Variants in PJA2 observed in about 807,000 individuals in gnomAD.
PJA2 encodes praja ring finger ubiquitin ligase 2.
In PJA2, 25 loss-of-function variants were observed where a neutral mutation model predicts 69.3. That is an observed-to-expected ratio of 0.36 (90% CI 0.26 to 0.50). The LOEUF (loss-of-function observed/expected upper bound fraction) is 0.50. PJA2 is among the 20% of genes least tolerant of loss of function. The probability of loss-of-function intolerance (pLI) is 0.96; values close to 1 mark genes in which losing one functional copy is unlikely to be tolerated. For synonymous variants in PJA2, 308 were observed against 277.8 expected, an observed-to-expected ratio of 1.11 and a Z score of -1.08; for missense variants, 809 against 830.2, an observed-to-expected ratio of 0.97 and a Z score of 0.31.
intron 1 of PJA2, among the ~76,000 whole-genome samples, chr5:109,402,756 T>A (rs1747582189): frequency 6.6e-6 from 1 of 152,022 alleles, no homozygotes; most frequent in South Asian, 2.1e-4. Context: ...CATATTCTGG[T>A]CATAAAACAA....
At chr5:109,375,848 C>T (rs939498723) in intron 4 of PJA2, among the ~76,000 whole-genome samples, 1 of 151,976 alleles carries the variant, frequency 6.6e-6, no homozygotes, top group Non-Finnish European at 1.5e-5. Context: ...TTAGCTGGCA[C>T]CATATTAAAA....
At chr5:109,407,971 A>G (rs1053952330) in intron 1 of PJA2, among the ~76,000 whole-genome samples, 1 of 152,196 alleles carries the variant, frequency 6.6e-6, no homozygotes, top group African/African-American at 2.4e-5. Flanking sequence ...AAGGATTTTT[A>G]GTTCAGTCTA....
intron 7 of PJA2, among the ~76,000 whole-genome samples, chr5:109,352,602 G>C (rs1372705189): frequency 1.3e-5 from 2 of 151,944 alleles, no homozygotes; most frequent in Non-Finnish European, 2.9e-5. Flanking sequence ...TCCTAGTATA[G>C]AGTATTTCTG....
In PJA2 at chr5:109,360,858, TG is replaced by T. The variant is rs1210605023; in HGVS notation, c.1652+1981del. 4.6e-5 allele frequency among the ~76,000 whole-genome samples: 7 copies of T among 152,002 alleles called. No individual in the cohort carries two copies. The East Asian group carries it at 1.3e-3, about 29-fold the overall frequency. ...AATTATATTCAGAGGCTGGGCATGGTGGCTCACACCTGTAATCCCAGCACTT... is the reference window on the plus strand; with the variant it reads ...AATTATATTCAGAGGCTGGGCATGGTGCTCACACCTGTAATCCCAGCACTT... On this transcript the variant is annotated intron_variant, in intron 6 of 9. Coordinates refer to ENST00000361189, the MANE Select transcript of PJA2 (RefSeq NM_014819.5).
At position 109,335,056 on chromosome 5, in the gene PJA2, T is replaced by C. The variant is rs1314721807; in HGVS notation, c.*2175A>G. 21 of 152,660 alleles carry C rather than the reference T, an allele frequency of 1.4e-4. No homozygotes were observed. Among genetic ancestry groups the C allele is most frequent in the Non-Finnish European group, 1.5e-5 (1 of 68,030 alleles). 9.5% of individuals were successfully genotyped at this position (152,660 alleles called of 1,614,324 possible). On this transcript the variant is annotated 3_prime_UTR_variant, in exon 10 of 10. Transcript: ENST00000361189. ...ATAAATGCTATTTTATTAATATTCATACTTATTTCTAATTTACCTTCATAT... is the reference window on the plus strand; with the variant it reads ...ATAAATGCTATTTTATTAATATTCACACTTATTTCTAATTTACCTTCATAT...
chr5:109,382,306 C>A (rs1323960306), intron 2 of PJA2, among the ~76,000 whole-genome samples: 1 of 152,110 alleles, frequency 6.6e-6, no homozygotes, highest in Non-Finnish European at 1.5e-5. Context: ...TACTACCCTG[C>A]CTTCAAAACT....
chr5:109,392,081 A>G (rs190142218), intron 1 of PJA2, among the ~76,000 whole-genome samples: 6 of 152,228 alleles, frequency 3.9e-5, no homozygotes, highest in African/African-American at 7.2e-5. Context: ...TTTTTGGGGG[A>G]AAATTGACAA....
chr5:109,344,252 C>T lies in PJA2; in HGVS notation c.1939G>A (p.Ala647Thr). The change falls in exon 9 of 10, where the codon GCA (alanine) becomes ACA (threonine). Residue 647 changes from alanine to threonine, a missense_variant. Physicochemically the swap from Ala to Thr is moderately conservative, Grantham distance 58 (BLOSUM62 0). Coordinates refer to ENST00000361189, the MANE Select transcript of PJA2 (RefSeq NM_014819.5). The stretch of plus-strand genomic sequence containing the variant: ...AAATGGTGACAGGGCAACTCTGTTG[C>T]TATATCATCCTTAATATACTCACTG... The part of the protein sequence containing the change: ...CCSEYIKDDI[A>T]TELPCHHFFH... The T allele has an allele frequency of 6.2e-7, 1 of 1,612,352 alleles. No homozygotes were observed. The highest frequency in any genetic ancestry group is 8.5e-7 in the Non-Finnish European group (1 of 1,179,070).
chr5:109,409,600 C>G (rs1241939599), intron 1 of PJA2, among the ~76,000 whole-genome samples: 1 of 151,866 alleles, frequency 6.6e-6, no homozygotes, highest in Non-Finnish European at 1.5e-5. Flanking sequence ...CGGGCGCGAC[C>G]GTCCCGGATA....
chr5:109,338,339 C>T (rs941124142), intron 9 of PJA2, among the ~76,000 whole-genome samples: 9 of 151,990 alleles, frequency 5.9e-5, no homozygotes, highest in Admixed American at 2.6e-4. Flanking sequence ...TTACGTTTAC[C>T]GTTTAAGAAT....
In PJA2 at chr5:109,380,682, G is replaced by A. The variant is rs577781678; in HGVS notation, c.232+821C>T. ...AAATTAGGCGTGGAGGCGCATGCCT[G>A]TAGTCCCAGCTACTTGGGAGGCTGA... is the stretch of plus-strand genomic sequence containing the variant. On this transcript the variant is annotated intron_variant, in intron 3 of 9. Transcript: ENST00000361189. 2.6e-5 allele frequency among the ~76,000 whole-genome samples: 4 copies of A among 151,708 alleles called. No homozygotes were observed. In the East Asian group the frequency reaches 7.8e-4, roughly 29 times the overall value.
At chr5:109,370,408 A>T (rs976414236) in intron 4 of PJA2, among the ~76,000 whole-genome samples, 1 of 152,226 alleles carries the variant, frequency 6.6e-6, no homozygotes, top group African/African-American at 2.4e-5. Flanking sequence ...GATCAAGATG[A>T]TATTAACAAA....
intron 9 of PJA2, among the ~76,000 whole-genome samples, chr5:109,338,241 G>GT (rs1174997264): frequency 6.6e-6 from 1 of 152,164 alleles, no homozygotes; most frequent in Non-Finnish European, 1.5e-5. Context: ...TCACACTAAG[G>GT]TATTTCCTGA....
chr5:109,379,347 T>C, intron 3 of PJA2, 93 bp from the exon 4 acceptor site: 1 of 874,150 alleles, frequency 1.1e-6, no homozygotes, highest in Non-Finnish European at 1.7e-6. Flanking sequence ...TCATACCAAT[T>C]ATTACTACTT....
chr5:109,384,826 T>C (rs1747122752), intron 1 of PJA2, among the ~76,000 whole-genome samples: 1 of 152,066 alleles, frequency 6.6e-6, no homozygotes, highest in South Asian at 2.1e-4. Flanking sequence ...GTTTTAACTT[T>C]TTTTTTTTTG....
chr5:109,393,167 A>T (rs964218020), intron 1 of PJA2, among the ~76,000 whole-genome samples: 1 of 152,258 alleles, frequency 6.6e-6, no homozygotes, highest in Non-Finnish European at 1.5e-5. Flanking sequence ...ATAATCCAAA[A>T]GAAATGTGAT....
chr5:109,342,586 C>T (rs1307577547), intron 9 of PJA2, among the ~76,000 whole-genome samples: 2 of 98,796 alleles, frequency 2.0e-5, no homozygotes, highest in Non-Finnish European at 4.2e-5. Flanking sequence ...CGCCTCTGCC[C>T]GGCCGCCCCT....
rs150884429 is a variant in PJA2, at chr5:109,378,690, C to T, written c.797G>A (p.Ser266Asn). The T allele has an allele frequency of 3.1e-6, 5 of 1,613,718 alleles. No individual in the cohort carries two copies. Among genetic ancestry groups the T allele is most frequent in the Admixed American group, 1.7e-5 (1 of 60,000 alleles). ...GCTAGTATTATTTTGTTGTTTCGTA[C>T]TAACCATTTCATCTTGAGAAGACCT... ...IQRSSQDEMV[S>N]TKQQNNTSQE... is the part of the protein sequence containing the mutation. Residue 266 changes from serine (S) to asparagine (N), a missense_variant, in exon 4 of 10, where the codon AGT (serine) becomes AAT (asparagine). By Grantham distance (46) the Ser-to-Asn change is conservative. Transcript: ENST00000361189.
chr5:109,344,935 T>C, intron 7 of PJA2, 116 bp from the exon 8 acceptor site: 1 of 650,816 alleles, frequency 1.5e-6, no homozygotes. Context: ...TTAGTTTCTT[T>C]TGCTTTAGTC....
Sources: gnomAD v4.1 joint callset for allele counts (sites outside exome capture counted in the v4.1 genomes callset) on GRCh38, gnomAD v4.1.1 for gene constraint, MANE v1.5 for transcripts, NCBI Gene and HGNC (gene_info 2026-07-23, HGNC 2026-07-21) for gene names.